The following SNTB1 variants were observed in gnomAD, a reference collection of about 807,000 sequenced individuals.
SNTB1 encodes beta-1-syntrophin.
SNTB1 carries 36 observed loss-of-function variants against 48.9 expected under a neutral mutation model. The ratio of observed to expected loss-of-function variants is 0.74; its 90% CI spans 0.56 to 0.97. The LOEUF is 0.97. SNTB1 is among the 50% of genes least tolerant of loss of function. The probability of loss-of-function intolerance (pLI) is 0.00; values close to 1 mark genes in which losing one functional copy is unlikely to be tolerated. For synonymous variants in SNTB1, 299 were observed against 294.6 expected (o/e 1.01, Z -0.15); for missense variants, 786 against 703.4 (o/e 1.12, Z -1.33).
In SNTB1 at chr8:120,538,811, G is replaced by T; in HGVS notation, c.*66C>A. On this transcript the variant is annotated 3_prime_UTR_variant, in exon 7 of 7. Coordinates refer to ENST00000517992, the MANE Select transcript of SNTB1 (RefSeq NM_021021.4). ...TGGTGCGCTGCTCACTACAGATGGT[G>T]TCTGACATCACGTTCTCTGGTGGCA... 7.8e-7 allele frequency: 1 copy of T among 1,288,112 alleles called. No homozygotes were observed. Among genetic ancestry groups the T allele is most frequent in the African/African-American group, 1.5e-5 (1 of 68,662 alleles). The allele number at this position is 1,288,112 out of a possible 1,614,324, so 79.8% of individuals were successfully genotyped here.
At chr8:120,737,772 C>T (rs767988276) in intron 1 of SNTB1, among the ~76,000 whole-genome samples, 5 of 152,234 alleles carry the variant, frequency 3.3e-5, no homozygotes, top group Non-Finnish European at 5.9e-5. Flanking sequence ...GAGCTTTTAT[C>T]CACCCCTTTC....
chr8:120,786,071 G>T (rs949141019), intron 1 of SNTB1, among the ~76,000 whole-genome samples: 7 of 152,178 alleles, frequency 4.6e-5, no homozygotes, highest in Admixed American at 3.3e-4. Context: ...TCCCATCAGA[G>T]CTGACGCAGT....
chr8:120,787,464 C>A (rs200609663), intron 1 of SNTB1, among the ~76,000 whole-genome samples: 5 of 144,646 alleles, frequency 3.5e-5, no homozygotes, highest in African/African-American at 1.1e-4. Flanking sequence ...GTAAAAAAAA[C>A]AACATAAATA....
chr8:120,793,500 G>T (rs559645365), intron 1 of SNTB1, among the ~76,000 whole-genome samples: 1 of 152,158 alleles, frequency 6.6e-6, no homozygotes, highest in African/African-American at 2.4e-5. Flanking sequence ...GACACAGGCT[G>T]CCCGTGAAGA....
chr8:120,579,992 G>A (rs972905118), intron 3 of SNTB1, among the ~76,000 whole-genome samples: 5 of 152,050 alleles, frequency 3.3e-5, no homozygotes, highest in Non-Finnish European at 1.5e-5. Flanking sequence ...GCCTTTGCTG[G>A]GTCAAAATTT....
intron 3 of SNTB1, among the ~76,000 whole-genome samples, chr8:120,593,169 G>C (rs1816271035): frequency 6.6e-6 from 1 of 152,080 alleles, no homozygotes; most frequent in Non-Finnish European, 1.5e-5. Context: ...ATCATGAAGA[G>C]AACTATGAGG....
At chr8:120,563,565 A>G (rs1327248040) in intron 4 of SNTB1, among the ~76,000 whole-genome samples, 2 of 152,172 alleles carry the variant, frequency 1.3e-5, no homozygotes, top group East Asian at 3.9e-4. Flanking sequence ...TGCCACTTCT[A>G]TGAAACACAA....
intron 2 of SNTB1, among the ~76,000 whole-genome samples, chr8:120,641,592 T>G (rs1266735956): frequency 6.6e-6 from 1 of 152,206 alleles, no homozygotes; most frequent in East Asian, 1.9e-4. Flanking sequence ...AGGCCCATTT[T>G]CTCCAGGTTT....
rs994825658 is a variant in SNTB1, at chr8:120,756,078, G to A, written c.571+55195C>T. 3.9e-5 allele frequency among the ~76,000 whole-genome samples: 6 copies of A among 152,176 alleles called. No individual in the cohort carries two copies. In the East Asian group the frequency reaches 1.2e-3, roughly 29 times the overall value. On this transcript the variant is annotated intron_variant, in intron 1 of 6. Coordinates refer to ENST00000517992, the MANE Select transcript of SNTB1 (RefSeq NM_021021.4). ...CTGTGAAAGAGATGCCTACATTGGA[G>A]CATTCTGGACAAGATGACCTTCCCT...
chr8:120,642,271 C>CT (rs918571267), intron 2 of SNTB1, among the ~76,000 whole-genome samples: 7 of 152,304 alleles, frequency 4.6e-5, no homozygotes, highest in African/African-American at 1.7e-4. Context: ...AGGCCTGTTG[C>CT]TTTTTATCAT....
intron 1 of SNTB1, among the ~76,000 whole-genome samples, chr8:120,808,435 C>A (rs1255132004): frequency 6.6e-6 from 1 of 152,056 alleles, no homozygotes; most frequent in Non-Finnish European, 1.5e-5. Flanking sequence ...AGCATTACAC[C>A]ATAGTACAAA....
chr8:120,811,972 G>T lies in SNTB1; in HGVS notation c.-129C>A. The T allele has an allele frequency of 7.8e-7, 1 of 1,273,948 alleles. No homozygotes were observed. Among genetic ancestry groups the T allele is most frequent in the Non-Finnish European group, 9.8e-7 (1 of 1,015,586 alleles). 78.9% of individuals were successfully genotyped at this position (1,273,948 alleles called of 1,614,324 possible). A position where few individuals can be genotyped will look rare whatever the true frequency, so the allele number is the denominator to read the frequency against. ...TCCCGCGGGGAGGTGGCGGCACGCGGGACTCCGCTCCGGGAGTTCGCAGAC... is the reference window on the plus strand; with the variant it reads ...TCCCGCGGGGAGGTGGCGGCACGCGTGACTCCGCTCCGGGAGTTCGCAGAC... On this transcript the variant is annotated 5_prime_UTR_variant, in exon 1 of 7. Transcript: ENST00000517992.
Position 120,808,402 on chromosome 8 carries a change from T to C in SNTB1, c.571+2871A>G, listed in dbSNP as rs557478634. Among the ~76,000 whole-genome samples the C allele has an allele frequency of 1.2e-4, 19 of 152,324 alleles. 1 individual carries two copies. The highest frequency in any genetic ancestry group is 4.3e-4 in the African/African-American group (18 of 41,558). Reference sequence around the variant, plus strand: ...TTCTCCAGGTTCTGTTTAACTCCTCTGGTCTCACAGGAATGGTCTCCCAGC... The same window carrying C: ...TTCTCCAGGTTCTGTTTAACTCCTCCGGTCTCACAGGAATGGTCTCCCAGC... On this transcript the variant is annotated intron_variant, in intron 1 of 6. Transcript: ENST00000517992.
chr8:120,543,506 G>A (rs1815325969), intron 5 of SNTB1, among the ~76,000 whole-genome samples: 1 of 152,130 alleles, frequency 6.6e-6, no homozygotes, highest in Non-Finnish European at 1.5e-5. Context: ...GCTCAGAGAG[G>A]TGAACACATC....
chr8:120,733,720 A>T (rs1350857360), intron 1 of SNTB1, among the ~76,000 whole-genome samples: 1 of 152,232 alleles, frequency 6.6e-6, no homozygotes, highest in Non-Finnish European at 1.5e-5. Context: ...AGGAATGCAA[A>T]AGTTGATTAT....
chr8:120,566,780 G>A (rs1481933832), intron 4 of SNTB1, among the ~76,000 whole-genome samples: 1 of 152,152 alleles, frequency 6.6e-6, no homozygotes, highest in East Asian at 1.9e-4. Flanking sequence ...GTCCCAGATG[G>A]TGTTCCCGCT....
chr8:120,606,875 G>C (rs1024180281), intron 3 of SNTB1, among the ~76,000 whole-genome samples: 9 of 152,102 alleles, frequency 5.9e-5, no homozygotes. Context: ...GTTTAAGTTA[G>C]GGAAAATAAA....
At position 120,811,912 on chromosome 8, in the gene SNTB1, G is replaced by C. The variant is rs1820446395; in HGVS notation, c.-69C>G. The C allele has an allele frequency of 7.8e-7, 1 of 1,287,554 alleles. No homozygotes were observed. The highest frequency in any genetic ancestry group is 9.8e-7 in the Non-Finnish European group (1 of 1,020,768). The allele number at this position is 1,287,554 out of a possible 1,614,324, so 79.8% of individuals were successfully genotyped here. ...AAAAGTGGGGAAGGGTGGCCGGGGG[G>C]AGGACGCGGGGCCCGGGGGAGCGAG... is the stretch of plus-strand genomic sequence containing the variant. On this transcript the variant is annotated 5_prime_UTR_variant, in exon 1 of 7. Coordinates refer to ENST00000517992, the MANE Select transcript of SNTB1 (RefSeq NM_021021.4).
Position 120,702,347 on chromosome 8 carries a change from C to T in SNTB1, c.572-8439G>A, listed in dbSNP as rs114114524. 6.2e-3 allele frequency among the ~76,000 whole-genome samples: 942 copies of T among 152,314 alleles called. 10 individuals are homozygous for T. Among genetic ancestry groups the T allele is most frequent in the African/African-American group, 0.022 (894 of 41,560 alleles). ...ATCTGGCACCTGCCTACTTCCTGAC[C>T]TAATCTTAGCTGACTTGTTCTGCAC... On this transcript the variant is annotated intron_variant, in intron 1 of 6. Coordinates refer to ENST00000517992, the MANE Select transcript of SNTB1 (RefSeq NM_021021.4).
Sources: gnomAD v4.1 joint callset for allele counts (sites outside exome capture counted in the v4.1 genomes callset) on GRCh38, gnomAD v4.1.1 for gene constraint, MANE v1.5 for transcripts, NCBI Gene and HGNC (gene_info 2026-07-23, HGNC 2026-07-21) for gene names.